HEPACAM2: variants seen among roughly 807,000 people sequenced by gnomAD.
HEPACAM2 encodes HEPACAM family member 2.
HEPACAM2 carries 49 observed loss-of-function variants against 49.6 expected under a neutral mutation model. The observed-to-expected ratio is 0.99, with a 90% CI of 0.78 to 1.25. The LOEUF (loss-of-function observed/expected upper bound fraction) is 1.25, where lower values mean the gene tolerates loss of function less well. Among genes scored for constraint, HEPACAM2 ranks in the 50% most tolerant of loss-of-function variants. HEPACAM2 has a pLI of 0.00. For synonymous variants in HEPACAM2, 197 were observed against 202.9 expected (o/e 0.97, Z 0.25); for missense variants, 525 against 557.2 (o/e 0.94, Z 0.58).
At chr7:93,201,890 T>A (rs1793893520) in intron 4 of HEPACAM2, among the ~76,000 whole-genome samples, 1 of 152,010 alleles carries the variant, frequency 6.6e-6, no homozygotes, top group Non-Finnish European at 1.5e-5. Flanking sequence ...GAGGTGCACT[T>A]TTGGAAGCCC....
At position 93,226,378 on chromosome 7, in the gene HEPACAM2, G is replaced by A; in HGVS notation, c.69C>T (p.Leu23=). ...TLGVFQCKIY[L]LLFGACSGLK... ...CACACAGGGCCTTACCGAAGAGAAG[G>A]AGGTATATTTTGCACTGAAAGACCC... The change falls in exon 1 of 10, where the codon CTC becomes CTT. Residue 23 remains leucine, a synonymous_variant. Coordinates refer to ENST00000394468, the MANE Select transcript of HEPACAM2 (RefSeq NM_001039372.4). 6.2e-7 allele frequency: 1 copy of A among 1,611,422 alleles called. No individual in the cohort carries two copies. Among genetic ancestry groups the A allele is most frequent in the Non-Finnish European group, 8.5e-7 (1 of 1,178,044 alleles).
chr7:93,208,635 G>T lies in HEPACAM2; in HGVS notation c.957C>A (p.Asn319Lys), dbSNP rs1474878176. 8.1e-6 allele frequency: 13 copies of T among 1,613,136 alleles called. No individual in the cohort carries two copies. Among genetic ancestry groups the T allele is most frequent in the Non-Finnish European group, 1.1e-5 (13 of 1,179,372 alleles). The change falls in exon 4 of 10, where the codon AAC becomes AAA. Residue 319 changes from asparagine (N) to lysine (K), a missense_variant. Physicochemically the swap from Asn to Lys is moderately conservative, Grantham distance 94. Coordinates refer to ENST00000394468, the MANE Select transcript of HEPACAM2 (RefSeq NM_001039372.4). ...KTMDYVCCAY[N>K]NITGRQDETH... ...TTTCATCTTGCCTGCCGGTTATGTT[G>T]TTGTAAGCACAGCACACATAGTCCA...
intron 7 of HEPACAM2, among the ~76,000 whole-genome samples, chr7:93,196,627 A>G (rs1226090216): frequency 6.6e-6 from 1 of 152,138 alleles, no homozygotes; most frequent in Admixed American, 6.6e-5. Flanking sequence ...ATTATATAGA[A>G]GAGGAAGTTG....
intron 1 of HEPACAM2, chr7:93,225,933 A>G: frequency 7.0e-7 from 1 of 1,428,164 alleles, no homozygotes; most frequent in Non-Finnish European, 9.4e-7. Flanking sequence ...ACGAAGCAGT[A>G]AACAGTTTGC....
chr7:93,232,075 C>T, the HEPACAM2 span, among the ~76,000 whole-genome samples: 17 of 152,246 alleles, frequency 1.1e-4, no homozygotes, highest in African/African-American at 3.9e-4. Flanking sequence ...ATATTGTCTC[C>T]TCTGAGTTTG....
At chr7:93,212,251 T>C (rs1794194418) in intron 3 of HEPACAM2, among the ~76,000 whole-genome samples, 1 of 152,078 alleles carries the variant, frequency 6.6e-6, no homozygotes, top group African/African-American at 2.4e-5. Context: ...TTATCTTCCT[T>C]AATCATGTGT....
chr7:93,200,816 T>A (rs1050132759), intron 4 of HEPACAM2, among the ~76,000 whole-genome samples: 2 of 152,152 alleles, frequency 1.3e-5, no homozygotes, highest in African/African-American at 4.8e-5. Flanking sequence ...ATTCATTCAT[T>A]CATTCTCCAA....
the HEPACAM2 span, among the ~76,000 whole-genome samples, chr7:93,231,802 C>T: frequency 6.6e-6 from 1 of 152,124 alleles, no homozygotes; most frequent in East Asian, 1.9e-4. Flanking sequence ...GATTTTAGAG[C>T]TTTTGCAGGG....
chr7:93,195,600 G>A (rs967874866), intron 8 of HEPACAM2, among the ~76,000 whole-genome samples: 1 of 152,106 alleles, frequency 6.6e-6, no homozygotes, highest in Admixed American at 6.6e-5. Context: ...TTATGAATTA[G>A]CATAACTTCC....
intron 4 of HEPACAM2, among the ~76,000 whole-genome samples, chr7:93,207,945 A>G (rs1044658066): frequency 6.6e-6 from 1 of 152,068 alleles, no homozygotes; most frequent in Admixed American, 6.6e-5. Context: ...GAGAAGGTGT[A>G]GAAGGATGAG....
chr7:93,209,357 A>G (rs1316127435), intron 3 of HEPACAM2, among the ~76,000 whole-genome samples: 1 of 151,994 alleles, frequency 6.6e-6, no homozygotes, highest in African/African-American at 2.4e-5. Context: ...ATGTTTTGAT[A>G]CATGTATACA....
At chr7:93,227,779 C>T (rs1794565070), upstream of HEPACAM2, among the ~76,000 whole-genome samples, 1 of 152,246 alleles carries the variant, frequency 6.6e-6, no homozygotes, top group South Asian at 2.1e-4. Context: ...GCACTTATCT[C>T]CTTAATCTTT....
intron 4 of HEPACAM2, 103 bp downstream of exon 4, chr7:93,208,477 C>T: frequency 1.0e-6 from 1 of 975,586 alleles, no homozygotes; most frequent in Admixed American, 2.6e-5. Context: ...TATGAATAAT[C>T]CCACAATGAT....
In HEPACAM2 at chr7:93,215,468, ATTCCCAATGTC is replaced by A. The variant is rs1392995827; in HGVS notation, c.637_647del (p.Asp213LeufsTer11). 6.2e-7 allele frequency: 1 copy of A among 1,613,906 alleles called. No individual in the cohort carries two copies. The highest frequency in any genetic ancestry group is 8.5e-7 in the Non-Finnish European group (1 of 1,179,856). On this transcript the variant is annotated frameshift_variant, in exon 3 of 10. Transcript: ENST00000394468. LOFTEE classifies it high-confidence loss of function. ...CAGGGTTCCTCACCAGGCAGCTGTA[ATTCCCAATGTC>A]TTCCTTGGTTACTGGAGCAATATGA... is the stretch of plus-strand genomic sequence containing the variant.
At chr7:93,224,021 T>C (rs1794497734) in intron 1 of HEPACAM2, among the ~76,000 whole-genome samples, 1 of 152,164 alleles carries the variant, frequency 6.6e-6, no homozygotes, top group Non-Finnish European at 1.5e-5. Context: ...TAGCTTCATT[T>C]TGAGAAATTT....
upstream of HEPACAM2, among the ~76,000 whole-genome samples, chr7:93,227,411 A>G (rs955658798): frequency 1.3e-5 from 2 of 152,182 alleles, no homozygotes; most frequent in Admixed American, 1.3e-4. Context: ...AATTCCTTGC[A>G]TGCATCAGTT....
At chr7:93,197,737 C>CAGAG in intron 4 of HEPACAM2, 127 bp from the exon 5 acceptor site, 1 of 626,812 alleles carries the variant, frequency 1.6e-6, no homozygotes, top group African/African-American at 1.9e-5. Flanking sequence ...TAGAGACACA[C>CAGAG]AGAGAGAGAG....
upstream of HEPACAM2, among the ~76,000 whole-genome samples, chr7:93,228,132 C>A (rs115495172): frequency 0.015 from 2,276 of 152,072 alleles, 74 homozygotes; most frequent in African/African-American, 0.052. Flanking sequence ...CAATCTAGTG[C>A]TGGATTATAA....
rs923547110 is a variant in HEPACAM2 at position 93,215,608 on chromosome 7, A to G, written c.508T>C (p.Cys170Arg). 1 of 1,613,740 alleles carries G rather than the reference A, an allele frequency of 6.2e-7. No individual in the cohort carries two copies. The highest frequency in any genetic ancestry group is 8.5e-7 in the Non-Finnish European group (1 of 1,179,822). ...VEYVGNMTLT[C>R]HVEGGTRLAY... is the part of the protein sequence containing the mutation. Reference sequence around the variant, plus strand: ...AGCCGAGTGCCCCCTTCCACATGGCATGTCAGGGTCATGTTCCCCACATAC... The same window carrying G: ...AGCCGAGTGCCCCCTTCCACATGGCGTGTCAGGGTCATGTTCCCCACATAC... Residue 170 changes from cysteine (C) to arginine (R), a missense_variant, in exon 3 of 10, where the codon TGC becomes CGC. By Grantham distance (180) the Cys-to-Arg change is radical. Coordinates refer to ENST00000394468, the MANE Select transcript of HEPACAM2 (RefSeq NM_001039372.4).
Sources: allele counts gnomAD v4.1 joint callset (sites outside exome capture counted in the v4.1 genomes callset), GRCh38; gene constraint gnomAD v4.1.1; transcripts MANE v1.5; gene names NCBI Gene and HGNC (gene_info 2026-07-23, HGNC 2026-07-21).